The following MKX variants were observed in gnomAD, a reference collection of about 807,000 sequenced individuals.
MKX encodes the protein mohawk homeobox, also known as homeobox protein Mohawk.
A neutral mutation model predicts 36.0 loss-of-function variants in MKX; 13 were observed. The observed-to-expected ratio is 0.36, with a 90% confidence interval of 0.24 to 0.57. The LOEUF (loss-of-function observed/expected upper bound fraction) is 0.57. MKX is among the 20% of genes least tolerant of loss of function. The pLI is 0.79. For synonymous variants in MKX, 176 were observed against 178.3 expected, an observed-to-expected ratio of 0.99 and a Z score of 0.10; for missense variants, 458 against 456.4, an observed-to-expected ratio of 1.00 and a Z score of -0.03.
At chr10:27,697,537 C>T (rs1189906068) in intron 5 of MKX, among the ~76,000 whole-genome samples, 2 of 152,208 alleles carry the variant, frequency 1.3e-5, no homozygotes, top group Non-Finnish European at 2.9e-5. Flanking sequence ...GAGAAGCCCA[C>T]TGACAGGTCC....
At chr10:27,694,906 A>G (rs1836526895) in intron 5 of MKX, among the ~76,000 whole-genome samples, 1 of 149,758 alleles carries the variant, frequency 6.7e-6, no homozygotes, top group African/African-American at 2.5e-5. Flanking sequence ...TTTTTTTAAC[A>G]GCAGCCAGGA....
chr10:27,699,684 C>T (rs1836618476), intron 5 of MKX, among the ~76,000 whole-genome samples: 1 of 152,140 alleles, frequency 6.6e-6, no homozygotes. Context: ...CACGCGCCTT[C>T]CCAGTTTCAA....
chr10:27,690,407 C>A (rs1319296706), intron 5 of MKX, among the ~76,000 whole-genome samples: 1 of 114,574 alleles, frequency 8.7e-6, no homozygotes, highest in Admixed American at 8.5e-5. Context: ...AAAAACCTAA[C>A]AAGTTCATCT....
intron 5 of MKX, among the ~76,000 whole-genome samples, chr10:27,715,908 T>TG (rs1836955649): frequency 2.0e-5 from 2 of 102,258 alleles, no homozygotes; most frequent in South Asian, 4.3e-4. Flanking sequence ...CTGGGCATAG[T>TG]GGGAAAAAAA....
rs1279648478 is a variant in MKX, at chr10:27,673,274, G to A, written c.*1955C>T. On this transcript the variant is annotated 3_prime_UTR_variant, in exon 7 of 7. Coordinates refer to ENST00000419761, the MANE Select transcript of MKX (RefSeq NM_173576.3). Reference sequence around the variant, plus strand: ...ATAATTTATAACATAGAAGAAATTTGCTGATTTTTTTAAAAAGATGGCAAA... The same window carrying A: ...ATAATTTATAACATAGAAGAAATTTACTGATTTTTTTAAAAAGATGGCAAA... The A allele has an allele frequency of 1.3e-5, 2 of 152,226 alleles. No individual in the cohort carries two copies. Among genetic ancestry groups the A allele is most frequent in the African/African-American group, 2.4e-5 (1 of 41,382 alleles). The allele number at this position is 152,226 out of a possible 1,614,324, so 9.4% of individuals were successfully genotyped here. A position where few individuals can be genotyped will look rare whatever the true frequency, so the allele number is the denominator to read the frequency against.
intron 5 of MKX, among the ~76,000 whole-genome samples, chr10:27,686,811 C>T (rs1022981380): frequency 6.6e-6 from 1 of 152,090 alleles, no homozygotes; most frequent in Non-Finnish European, 1.5e-5. Flanking sequence ...GTGTTGCTTC[C>T]AGCCATGACT....
At chr10:27,737,316 T>C (rs1449407146) in intron 3 of MKX, among the ~76,000 whole-genome samples, 2 of 152,170 alleles carry the variant, frequency 1.3e-5, no homozygotes, top group Non-Finnish European at 2.9e-5. Flanking sequence ...AAATGGATCT[T>C]AGCAAGTATC....
chr10:27,735,184 G>A, intron 4 of MKX, 37 bp downstream of exon 4: 1 of 1,507,202 alleles, frequency 6.6e-7, no homozygotes. Flanking sequence ...GCTAATAGAG[G>A]CAAAACAAAG....
rs183872369 is a variant in MKX, at chr10:27,703,558, T to C, written c.839-28004A>G. On this transcript the variant is annotated intron_variant, in intron 5 of 6. Coordinates refer to ENST00000419761, the MANE Select transcript of MKX (RefSeq NM_173576.3). ...AAGAGGTGGTAAAATCATCACTCTT[T>C]GCAAATATGATTGTACTGCTAGAAA... 3.8e-3 allele frequency among the ~76,000 whole-genome samples: 581 copies of C among 152,036 alleles called. 3 individuals are homozygous for C. Among genetic ancestry groups the C allele is most frequent in the Middle Eastern group, 6.8e-3 (2 of 294 alleles).
intron 3 of MKX, 45 bp from the exon 4 acceptor site, chr10:27,735,419 T>C: frequency 1.3e-6 from 2 of 1,533,572 alleles, no homozygotes; most frequent in Non-Finnish European, 1.8e-6. Flanking sequence ...AAAAACATTA[T>C]CCATGGTGCG....
rs531131315 is a variant in MKX, at chr10:27,711,155, C to T, written c.838+23301G>A. On this transcript the variant is annotated intron_variant, in intron 5 of 6. Coordinates refer to ENST00000419761, the MANE Select transcript of MKX (RefSeq NM_173576.3). Reference sequence around the variant, plus strand: ...TAGATGTGCTAGAATACCCTGGAAACAGAGATAAATCCCAGGCAACAGTGC... The same window carrying T: ...TAGATGTGCTAGAATACCCTGGAAATAGAGATAAATCCCAGGCAACAGTGC... 1.1e-4 allele frequency among the ~76,000 whole-genome samples: 16 copies of T among 152,274 alleles called. No homozygotes were observed. In the South Asian group the frequency reaches 3.1e-3, roughly 30 times the overall value.
At chr10:27,738,050 CT>C (rs924801580) in intron 3 of MKX, among the ~76,000 whole-genome samples, 22 of 151,762 alleles carry the variant, frequency 1.4e-4, no homozygotes, top group South Asian at 2.1e-4. Context: ...TACTCATAGT[CT>C]TTTTTTTAAC....
At chr10:27,738,527 A>G (rs1834826234) in intron 3 of MKX, among the ~76,000 whole-genome samples, 1 of 152,056 alleles carries the variant, frequency 6.6e-6, no homozygotes, top group South Asian at 2.1e-4. Context: ...CTATATGTGT[A>G]TATACGTATA....
intron 5 of MKX, among the ~76,000 whole-genome samples, chr10:27,680,599 T>C (rs1254642444): frequency 6.6e-6 from 1 of 152,158 alleles, no homozygotes; most frequent in Non-Finnish European, 1.5e-5. Context: ...TTAATTCTGA[T>C]ATATATTCCT....
At chr10:27,704,813 C>T (rs1836720513) in intron 5 of MKX, among the ~76,000 whole-genome samples, 1 of 152,068 alleles carries the variant, frequency 6.6e-6, no homozygotes, top group Non-Finnish European at 1.5e-5. Context: ...CTCGCTATCA[C>T]TTAAATTCTA....
At chr10:27,698,374 C>T (rs1441232216) in intron 5 of MKX, among the ~76,000 whole-genome samples, 1 of 152,136 alleles carries the variant, frequency 6.6e-6, no homozygotes, top group African/African-American at 2.4e-5. Context: ...TTGAAGGAGC[C>T]AGGCGGGATC....
At chr10:27,686,387 GGAAGGGAAA>G (rs1341332440) in intron 5 of MKX, among the ~76,000 whole-genome samples, 18 of 127,224 alleles carry the variant, frequency 1.4e-4, no homozygotes, top group African/African-American at 5.6e-4. Flanking sequence ...GGAAGGGAAG[GGAAGGGAAA>G]GGAAGGAAGG....
chr10:27,745,443 C>G (rs1835032962), intron 1 of MKX: 1 of 152,386 alleles, frequency 6.6e-6, no homozygotes, highest in South Asian at 2.1e-4. Flanking sequence ...AGACTGTGGC[C>G]GGGGAGGTCA....
At chr10:27,717,882 T>C (rs2637294) in intron 5 of MKX, among the ~76,000 whole-genome samples, 140,186 of 152,260 alleles carry the variant, frequency 0.92, 64,549 homozygotes, top group East Asian at 1. Context: ...AACACAATGA[T>C]GATAAGTGCC....
Sources: allele counts gnomAD v4.1 joint callset (sites outside exome capture counted in the v4.1 genomes callset), GRCh38; gene constraint gnomAD v4.1.1; transcripts MANE v1.5; gene names NCBI Gene and HGNC (gene_info 2026-07-23, HGNC 2026-07-21).